Variants in EXOC4 observed in about 807,000 individuals in gnomAD.
EXOC4 encodes exocyst complex component 4.
In EXOC4, 71 loss-of-function variants were observed where a neutral mutation model predicts 107.2. The ratio of observed to expected loss-of-function variants is 0.66; its 90% confidence interval spans 0.55 to 0.81. EXOC4 has a LOEUF of 0.81. Ranked by LOEUF, EXOC4 falls within the 30% of genes least tolerant of loss-of-function variation. EXOC4 has a pLI of 0.00. For synonymous variants in EXOC4, 456 were observed against 441.2 expected (o/e 1.03, Z -0.42); for missense variants, 1,108 against 1,189.6 (o/e 0.93, Z 1.01).
At chr7:133,478,688 C>T (rs925174200) in intron 8 of EXOC4, among the ~76,000 whole-genome samples, 3 of 152,136 alleles carry the variant, frequency 2.0e-5, no homozygotes, top group Non-Finnish European at 4.4e-5. Flanking sequence ...TTTAATTACC[C>T]TTAGCTAAGG....
At chr7:133,443,304 A>AG (rs1798145651) in intron 7 of EXOC4, among the ~76,000 whole-genome samples, 2 of 152,278 alleles carry the variant, frequency 1.3e-5, no homozygotes, top group African/African-American at 4.8e-5. Context: ...GGAGAGGCCC[A>AG]GGGCAAGGGG....
chr7:133,763,204 C>T (rs1269933930), intron 10 of EXOC4, among the ~76,000 whole-genome samples: 1 of 152,070 alleles, frequency 6.6e-6, no homozygotes, highest in Admixed American at 6.6e-5. Flanking sequence ...TGCTACTCCC[C>T]CCTGCCACAG....
chr7:133,725,338 G>A (rs1011847420), intron 10 of EXOC4, among the ~76,000 whole-genome samples: 12 of 152,036 alleles, frequency 7.9e-5, no homozygotes, highest in African/African-American at 2.7e-4. Context: ...CTTATAAAGG[G>A]CTAGCTAGTA....
In EXOC4 at chr7:133,933,885, G is replaced by C. The variant is rs144072465; in HGVS notation, c.2028-4006G>C. On this transcript the variant is annotated intron_variant, in intron 13 of 17. Coordinates refer to ENST00000253861, the MANE Select transcript of EXOC4 (RefSeq NM_021807.4). ...GTTCCGTTTTTCTCTTCACTAAAAC[G>C]TGAAGTTGTTTTTTGGAGAACATAT... Among the ~76,000 whole-genome samples, 3 of 152,216 alleles carry C rather than the reference G, an allele frequency of 2.0e-5. No individual in the cohort carries two copies. In the South Asian group the frequency reaches 6.2e-4, roughly 32 times the overall value.
intron 11 of EXOC4, among the ~76,000 whole-genome samples, chr7:133,875,899 AAAC>A (rs773556222): frequency 3.3e-5 from 5 of 152,204 alleles, no homozygotes; most frequent in Non-Finnish European, 7.4e-5. Flanking sequence ...TTTTTACTGG[AAAC>A]AACAAAAAAT....
intron 6 of EXOC4, among the ~76,000 whole-genome samples, chr7:133,369,866 G>GAGCAATTT (rs112711342): frequency 6.9e-6 from 1 of 144,408 alleles, no homozygotes; most frequent in Admixed American, 7.0e-5. Flanking sequence ...GAGTGCAATG[G>GAGCAATTT]CGCAATTTGG....
At chr7:133,484,057 C>T in intron 9 of EXOC4, 3 of 1,613,976 alleles carry the variant, frequency 1.9e-6, no homozygotes. Context: ...GCGAAGAAAT[C>T]CACCAGAAAG....
At chr7:133,967,784 A>G (rs2971983) in intron 14 of EXOC4, among the ~76,000 whole-genome samples, 106,294 of 152,080 alleles carry the variant, frequency 0.7, 37,567 homozygotes, top group East Asian at 0.91. Context: ...GCAGTGTGGT[A>G]CTGAGAATAA....
At chr7:133,528,290 C>G (rs1232795981) in intron 9 of EXOC4, among the ~76,000 whole-genome samples, 1 of 152,092 alleles carries the variant, frequency 6.6e-6, no homozygotes, top group Non-Finnish European at 1.5e-5. Flanking sequence ...TCAAAGTCCT[C>G]TAGATTCGAG....
At chr7:133,559,602 G>C (rs1800769786) in intron 9 of EXOC4, among the ~76,000 whole-genome samples, 1 of 152,176 alleles carries the variant, frequency 6.6e-6, no homozygotes, top group South Asian at 2.1e-4. Flanking sequence ...CATAAACAAA[G>C]TTGGGTAATT....
At chr7:133,277,597 G>A (rs1177070166) in intron 2 of EXOC4, among the ~76,000 whole-genome samples, 3 of 152,176 alleles carry the variant, frequency 2.0e-5, no homozygotes, top group Non-Finnish European at 4.4e-5. Context: ...GTATGCCAGA[G>A]TTTTGAGCAA....
At chr7:133,529,585 A>T (rs1397481177) in intron 9 of EXOC4, among the ~76,000 whole-genome samples, 1 of 152,192 alleles carries the variant, frequency 6.6e-6, no homozygotes, top group African/African-American at 2.4e-5. Flanking sequence ...CTAAAACCCA[A>T]TTAGTAAATT....
chr7:133,835,908 A>G (rs1797908804), intron 11 of EXOC4, among the ~76,000 whole-genome samples: 1 of 152,232 alleles, frequency 6.6e-6, no homozygotes, highest in Admixed American at 6.5e-5. Context: ...TATTGACCAG[A>G]TTAACTTCAT....
Position 133,688,155 on chromosome 7 carries a change from A to G in EXOC4, c.1514+58014A>G, listed in dbSNP as rs572717823. ...TGTCCCGAGGTCATTGTGTAATTTT[A>G]TAGGGGTCTTCACCAAAGCAAGGAA... is the stretch of plus-strand genomic sequence containing the variant. On this transcript the variant is annotated intron_variant, in intron 10 of 17. Coordinates refer to ENST00000253861, the MANE Select transcript of EXOC4 (RefSeq NM_021807.4). Among the ~76,000 whole-genome samples, 200 of 152,290 alleles carry G rather than the reference A, an allele frequency of 1.3e-3. 1 individual carries two copies. Among genetic ancestry groups the G allele is most frequent in the African/African-American group, 4.5e-3 (186 of 41,574 alleles).
chr7:133,654,446 A>G (rs1803237710), intron 10 of EXOC4, among the ~76,000 whole-genome samples: 1 of 152,156 alleles, frequency 6.6e-6, no homozygotes, highest in African/African-American at 2.4e-5. Flanking sequence ...ATTGTACTTG[A>G]AACACAAGTG....
At chr7:133,538,801 A>G (rs1024962489) in intron 9 of EXOC4, among the ~76,000 whole-genome samples, 3 of 146,408 alleles carry the variant, frequency 2.0e-5, no homozygotes, top group Non-Finnish European at 3.0e-5. Context: ...ACTGCACTGC[A>G]GCTTGGGCTA....
intron 17 of EXOC4, among the ~76,000 whole-genome samples, chr7:134,059,490 G>T (rs1384875909): frequency 6.6e-6 from 1 of 152,224 alleles, no homozygotes; most frequent in African/African-American, 2.4e-5. Context: ...ATGAAAAATT[G>T]TTCCACCTCA....
intron 7 of EXOC4, among the ~76,000 whole-genome samples, chr7:133,473,584 C>G (rs1305527073): frequency 6.6e-6 from 1 of 152,110 alleles, no homozygotes; most frequent in Admixed American, 6.5e-5. Context: ...ATTGGTATAG[C>G]AAATCCTACT....
chr7:133,763,449 A>G (rs1398605368), intron 10 of EXOC4, among the ~76,000 whole-genome samples: 1 of 152,120 alleles, frequency 6.6e-6, no homozygotes, highest in African/African-American at 2.4e-5. Flanking sequence ...AATCATAAAA[A>G]ATGAATTGGA....
Sources: allele counts gnomAD v4.1 joint callset (sites outside exome capture counted in the v4.1 genomes callset), GRCh38; gene constraint gnomAD v4.1.1; transcripts MANE v1.5; gene names NCBI Gene and HGNC (gene_info 2026-07-23, HGNC 2026-07-21).